FAM162B: variants seen among roughly 807,000 people sequenced by gnomAD.
FAM162B encodes the protein family with sequence similarity 162 member B, also known as protein FAM162B.
In FAM162B, 16 loss-of-function variants were observed where a neutral mutation model predicts 20.0. The ratio of observed to expected loss-of-function variants is 0.80; its 90% CI spans 0.54 to 1.21. FAM162B has a LOEUF of 1.21. Among genes scored for constraint, FAM162B ranks in the 50% most tolerant of loss-of-function variants. The pLI is 0.00. For missense variants in FAM162B, 260 were observed against 227.5 expected, an observed-to-expected ratio of 1.14 and a Z score of -0.92; for synonymous variants, 83 against 89.7, an observed-to-expected ratio of 0.93 and a Z score of 0.42.
chr6:116,759,799 T>A (rs1442928327), intron 3 of FAM162B, among the ~76,000 whole-genome samples: 1 of 152,116 alleles, frequency 6.6e-6, no homozygotes, highest in Non-Finnish European at 1.5e-5. Flanking sequence ...CTCATTATAC[T>A]CCATCCACAC....
At chr6:116,757,629 G>A (rs1044227746) in intron 3 of FAM162B, among the ~76,000 whole-genome samples, 3 of 151,832 alleles carry the variant, frequency 2.0e-5, no homozygotes, top group African/African-American at 7.3e-5. Flanking sequence ...GACACCTGTG[G>A]TCCCAGATAC....
At chr6:116,758,919 ATTG>A (rs1780084774) in intron 3 of FAM162B, among the ~76,000 whole-genome samples, 2 of 152,168 alleles carry the variant, frequency 1.3e-5, no homozygotes, top group East Asian at 3.9e-4. Context: ...AGTTTTAATT[ATTG>A]TTGTTGTTTT....
chr6:116,753,115 A>T (rs1780011322), intron 3 of FAM162B, among the ~76,000 whole-genome samples: 1 of 152,088 alleles, frequency 6.6e-6, no homozygotes, highest in South Asian at 2.1e-4. Context: ...CTAGCCATAC[A>T]CATCTCAATA....
In FAM162B at chr6:116,752,706, G is replaced by A. The variant is rs775659603; in HGVS notation, c.391-11C>T. 7.6e-6 allele frequency: 9 copies of A among 1,184,748 alleles called. No homozygotes were observed. The highest frequency in any genetic ancestry group is 4.5e-5 in the South Asian group (3 of 66,212). 73.4% of individuals were successfully genotyped at this position (1,184,748 alleles called of 1,614,324 possible). A position where few individuals can be genotyped will look rare whatever the true frequency, so the allele number is the denominator to read the frequency against. On this transcript the variant is annotated splice_polypyrimidine_tract_variant and intron_variant, in intron 3 of 3. Transcript: ENST00000368557. ...ATGTCGTTCTACAGCCTGTGGGGGG[G>A]AAGAAATATATATATATATATATAT...
intron 3 of FAM162B, among the ~76,000 whole-genome samples, chr6:116,758,805 T>C (rs1780083285): frequency 6.6e-6 from 1 of 152,198 alleles, no homozygotes; most frequent in Non-Finnish European, 1.5e-5. Context: ...TCCACTCATA[T>C]ACAGAGTCAC....
At chr6:116,760,389 A>C (rs1001786771) in intron 3 of FAM162B, among the ~76,000 whole-genome samples, 4 of 152,242 alleles carry the variant, frequency 2.6e-5, no homozygotes, top group Non-Finnish European at 5.9e-5. Flanking sequence ...AAATAAAATG[A>C]TGACATCAGT....
At chr6:116,764,705 G>T (rs1238808152) in intron 2 of FAM162B, among the ~76,000 whole-genome samples, 1 of 152,114 alleles carries the variant, frequency 6.6e-6, no homozygotes, top group African/African-American at 2.4e-5. Flanking sequence ...CGCCACAGCC[G>T]CCCCGCAAGC....
chr6:116,764,851 C>G (rs1002613519), intron 2 of FAM162B, among the ~76,000 whole-genome samples: 1 of 152,210 alleles, frequency 6.6e-6, no homozygotes, highest in Non-Finnish European at 1.5e-5. Flanking sequence ...GCCCCACTGC[C>G]TCCCAGTTCG....
At chr6:116,762,185 T>C in intron 2 of FAM162B, 100 bp from the exon 3 acceptor site, 1 of 975,650 alleles carries the variant, frequency 1.0e-6, no homozygotes, top group South Asian at 2.2e-5. Context: ...AAAAATTCCC[T>C]GAATGCAAAC....
chr6:116,758,693 C>T (rs2114549769), intron 3 of FAM162B, among the ~76,000 whole-genome samples: 1 of 152,248 alleles, frequency 6.6e-6, no homozygotes, highest in South Asian at 2.1e-4. Flanking sequence ...GATTTTAAGG[C>T]TTCACATTTA....
intron 3 of FAM162B, among the ~76,000 whole-genome samples, chr6:116,759,984 A>G (rs886114564): frequency 1.3e-5 from 2 of 152,068 alleles, no homozygotes; most frequent in South Asian, 2.1e-4. Flanking sequence ...CTATTTTATC[A>G]TCCTGTTCCT....
In FAM162B at chr6:116,752,712, AT is replaced by A. The variant is rs770918034; in HGVS notation, c.391-18del. 2.0e-3 allele frequency: 156 copies of A among 78,230 alleles called. No homozygotes were observed. Among genetic ancestry groups the A allele is most frequent in the Non-Finnish European group, 2.7e-3 (134 of 49,928 alleles). The allele number at this position is 78,230 out of a possible 1,614,324, so 4.8% of individuals were successfully genotyped here. On this transcript the variant is annotated intron_variant, in intron 3 of 3. Transcript: ENST00000368557. ...TTCTACAGCCTGTGGGGGGGAAGAA[AT>A]ATATATATATATATATATATAGATA... is the stretch of plus-strand genomic sequence containing the variant.
intron 3 of FAM162B, among the ~76,000 whole-genome samples, chr6:116,757,754 CAA>C (rs36020350): frequency 6.6e-4 from 68 of 103,064 alleles, no homozygotes; most frequent in Admixed American, 6.9e-4. Flanking sequence ...CCTCCTCCAC[CAA>C]AAAAAAAAAA....
chr6:116,760,980 C>A (rs1780134229), intron 3 of FAM162B, among the ~76,000 whole-genome samples: 1 of 152,120 alleles, frequency 6.6e-6, no homozygotes, highest in South Asian at 2.1e-4. Context: ...TACGTATGCA[C>A]TATTGAAACC....
intron 2 of FAM162B, among the ~76,000 whole-genome samples, chr6:116,764,591 T>A (rs1025547840): frequency 6.6e-6 from 1 of 152,264 alleles, no homozygotes; most frequent in South Asian, 2.1e-4. Flanking sequence ...CGTCCCACCC[T>A]GAGTAAACCC....
intron 3 of FAM162B, among the ~76,000 whole-genome samples, chr6:116,754,616 T>G (rs1780032793): frequency 6.6e-6 from 1 of 152,188 alleles, no homozygotes; most frequent in South Asian, 2.1e-4. Context: ...CTGTGACAGT[T>G]CTATAATACA....
intron 2 of FAM162B, among the ~76,000 whole-genome samples, chr6:116,764,848 TGCCTCCCAGTTCG>T (rs933188386): frequency 5.9e-5 from 9 of 152,216 alleles, no homozygotes; most frequent in African/African-American, 9.6e-5. Context: ...AGAGCCCCAC[TGCCTCCCAGTTCG>T]GAGCTTGCTG....
chr6:116,758,915 A>C (rs1780084699), intron 3 of FAM162B, among the ~76,000 whole-genome samples: 1 of 152,018 alleles, frequency 6.6e-6, no homozygotes, highest in African/African-American at 2.4e-5. Flanking sequence ...CTGCAGTTTT[A>C]ATTATTGTTG....
intron 3 of FAM162B, among the ~76,000 whole-genome samples, chr6:116,759,941 A>T (rs1332085624): frequency 6.6e-6 from 1 of 151,800 alleles, no homozygotes; most frequent in Non-Finnish European, 1.5e-5. Flanking sequence ...GTCCCTGACC[A>T]CTCCATCAAA....
Sources: allele counts gnomAD v4.1 joint callset (sites outside exome capture counted in the v4.1 genomes callset), GRCh38; gene constraint gnomAD v4.1.1; transcripts MANE v1.5; gene names NCBI Gene and HGNC (gene_info 2026-07-23, HGNC 2026-07-21).